Variants in ATRNL1 observed in about 807,000 individuals in gnomAD.
The protein encoded by ATRNL1 is attractin-like protein 1.
A neutral mutation model predicts 182.7 loss-of-function variants in ATRNL1; 95 were observed. The ratio of observed to expected loss-of-function variants is 0.52; its 90% confidence interval spans 0.44 to 0.62. The LOEUF is 0.62. ATRNL1 is among the 20% of genes least tolerant of loss of function. The pLI is 0.00. For missense variants in ATRNL1, 1,471 were observed against 1,679.5 expected (o/e 0.88, Z 2.17); for synonymous variants, 576 against 568.3 (o/e 1.01, Z -0.19).
In ATRNL1 at chr10:115,331,488, G is replaced by T. The variant is rs1489832798; in HGVS notation, c.3038-2794G>T. Among the ~76,000 whole-genome samples, 6 of 152,046 alleles carry T rather than the reference G, an allele frequency of 3.9e-5. 1 individual carries two copies. The highest frequency in any genetic ancestry group is 7.4e-5 in the Non-Finnish European group (5 of 68,018). ...CTCATTTGTTCCTCTGTGTTGTATT[G>T]ACATTGCTGATTTTTCTTAAAGCAG... On this transcript the variant is annotated intron_variant, in intron 18 of 28. Transcript: ENST00000355044.
At chr10:115,599,366 AT>A (rs1317006897) in intron 26 of ATRNL1, among the ~76,000 whole-genome samples, 1 of 152,330 alleles carries the variant, frequency 6.6e-6, no homozygotes, top group African/African-American at 2.4e-5. Flanking sequence ...AGGCAGCTAA[AT>A]GAGCATGCAA....
intron 24 of ATRNL1, among the ~76,000 whole-genome samples, chr10:115,509,496 A>G (rs888673244): frequency 8.6e-5 from 13 of 151,764 alleles, no homozygotes; most frequent in African/African-American, 3.1e-4. Context: ...TTCTTGAGAG[A>G]TCTGGTTGTT....
intron 10 of ATRNL1, among the ~76,000 whole-genome samples, chr10:115,247,472 A>G (rs1000702419): frequency 6.6e-6 from 1 of 152,214 alleles, no homozygotes; most frequent in South Asian, 2.1e-4. Flanking sequence ...TCAAAACACA[A>G]TGAAGTATCA....
intron 1 of ATRNL1, among the ~76,000 whole-genome samples, chr10:115,106,425 G>A (rs144205369): frequency 0.012 from 1,884 of 152,240 alleles, 37 homozygotes; most frequent in African/African-American, 0.042. Flanking sequence ...GACTTTGGGG[G>A]ACTGTTGGGA....
intron 28 of ATRNL1, among the ~76,000 whole-genome samples, chr10:115,904,953 T>G (rs1370724863): frequency 6.6e-6 from 1 of 152,206 alleles, no homozygotes; most frequent in Non-Finnish European, 1.5e-5. Context: ...GAGTTAGGAT[T>G]GCTTGAACAG....
intron 25 of ATRNL1, among the ~76,000 whole-genome samples, chr10:115,519,822 C>G (rs782103768): frequency 3.3e-5 from 5 of 152,130 alleles, no homozygotes; most frequent in African/African-American, 4.8e-5. Flanking sequence ...CATTACTTCT[C>G]AAAGCTTTTA....
chr10:115,775,229 T>C (rs543563042), intron 27 of ATRNL1, among the ~76,000 whole-genome samples: 1 of 152,340 alleles, frequency 6.6e-6, no homozygotes, highest in South Asian at 2.1e-4. Flanking sequence ...TTTACTGGCA[T>C]TGAATTTCAA....
intron 27 of ATRNL1, among the ~76,000 whole-genome samples, chr10:115,789,182 A>G (rs1555081111): frequency 6.6e-6 from 1 of 152,204 alleles, no homozygotes; most frequent in Non-Finnish European, 1.5e-5. Flanking sequence ...TGCAGGTTTT[A>G]TGCCCAATTA....
chr10:115,590,919 C>G (rs1555011973), intron 26 of ATRNL1, among the ~76,000 whole-genome samples: 1 of 152,134 alleles, frequency 6.6e-6, no homozygotes, highest in African/African-American at 2.4e-5. Flanking sequence ...GAACAACTCC[C>G]TAGTTATTGT....
chr10:115,745,371 C>A (rs1948262027), intron 27 of ATRNL1, among the ~76,000 whole-genome samples: 1 of 152,054 alleles, frequency 6.6e-6, no homozygotes, highest in Non-Finnish European at 1.5e-5. Flanking sequence ...TATCCAGTCA[C>A]CAGATAGTAG....
chr10:115,340,424 A>G (rs1367319829), intron 19 of ATRNL1, among the ~76,000 whole-genome samples: 1 of 147,790 alleles, frequency 6.8e-6, no homozygotes, highest in African/African-American at 2.5e-5. Context: ...TACAGGGGTG[A>G]GCCACCACAC....
chr10:115,292,254 G>A (rs9630105), intron 15 of ATRNL1, among the ~76,000 whole-genome samples: 43,853 of 151,196 alleles, frequency 0.29, 7,138 homozygotes, highest in East Asian at 0.67. Flanking sequence ...TTTCTTGTTT[G>A]GTCTAGCAAA....
chr10:115,521,206 A>AGT (rs36027423), intron 25 of ATRNL1, among the ~76,000 whole-genome samples: 107,432 of 151,360 alleles, frequency 0.71, 39,337 homozygotes, highest in African/African-American at 0.82. Context: ...CCCAGGCTGG[A>AGT]GCAGTGGCGC....
intron 28 of ATRNL1, among the ~76,000 whole-genome samples, chr10:115,893,865 A>G (rs1589658217): frequency 6.6e-6 from 1 of 152,178 alleles, no homozygotes; most frequent in Non-Finnish European, 1.5e-5. Context: ...GAACCAAATA[A>G]GGACCTTTGT....
At chr10:115,764,688 G>C (rs1035690447) in intron 27 of ATRNL1, among the ~76,000 whole-genome samples, 18 of 151,610 alleles carry the variant, frequency 1.2e-4, no homozygotes, top group African/African-American at 4.4e-4. Context: ...TTTTGTTGTT[G>C]TTGAGATGGA....
At chr10:115,766,182 G>A (rs1166001837) in intron 27 of ATRNL1, among the ~76,000 whole-genome samples, 1 of 152,144 alleles carries the variant, frequency 6.6e-6, no homozygotes, top group Non-Finnish European at 1.5e-5. Context: ...TCTTACACAA[G>A]TATATCTACA....
At chr10:115,304,224 C>T (rs1554925510) in intron 17 of ATRNL1, among the ~76,000 whole-genome samples, 3 of 152,178 alleles carry the variant, frequency 2.0e-5, no homozygotes, top group African/African-American at 7.2e-5. Flanking sequence ...TTCTTGCAGT[C>T]CCTCCATAGG....
Position 115,602,606 on chromosome 10 carries a change from G to A in ATRNL1, c.3795+53070G>A, listed in dbSNP as rs569921059. Among the ~76,000 whole-genome samples the A allele has an allele frequency of 6.8e-3, 1,038 of 152,260 alleles. 6 individuals carry two copies. The highest frequency in any genetic ancestry group is 0.011 in the Non-Finnish European group (720 of 68,022). ...TGGCCGGGCGCAGTGGCTCATGCCT[G>A]TAATCCAAACACTTTGGGAGGCCAA... On this transcript the variant is annotated intron_variant, in intron 26 of 28. Coordinates refer to ENST00000355044, the MANE Select transcript of ATRNL1 (RefSeq NM_207303.4).
chr10:115,630,552 T>A (rs1162729651), intron 26 of ATRNL1, among the ~76,000 whole-genome samples: 2 of 151,776 alleles, frequency 1.3e-5, no homozygotes, highest in Admixed American at 1.3e-4. Context: ...CCAAGAGACA[T>A]CTGCACTCCC....
Sources: gnomAD v4.1 joint callset for allele counts (sites outside exome capture counted in the v4.1 genomes callset) on GRCh38, gnomAD v4.1.1 for gene constraint, MANE v1.5 for transcripts, NCBI Gene and HGNC (gene_info 2026-07-23, HGNC 2026-07-21) for gene names.